PPIL4: variants seen among roughly 807,000 people sequenced by gnomAD.
The protein encoded by PPIL4 is peptidylprolyl isomerase like 4, also known as peptidyl-prolyl cis-trans isomerase-like 4.
PPIL4 carries 50 observed loss-of-function variants against 69.1 expected under a neutral mutation model. The observed-to-expected ratio is 0.72, with a 90% CI of 0.58 to 0.92. The LOEUF is 0.92. Ranked by LOEUF, PPIL4 falls within the 40% of genes least tolerant of loss-of-function variation. The probability of loss-of-function intolerance (pLI) is 0.00; values close to 1 mark genes in which losing one functional copy is unlikely to be tolerated. For synonymous variants in PPIL4, 193 were observed against 191.6 expected (o/e 1.01, Z -0.06); for missense variants, 480 against 587.9 (o/e 0.82, Z 1.90).
chr6:149,505,836 A>G, intron 12 of PPIL4, 132 bp from the exon 13 acceptor site: 1 of 687,292 alleles, frequency 1.5e-6, no homozygotes, highest in South Asian at 2.0e-5. Flanking sequence ...CACTACCACT[A>G]ATGTCAAGAA....
chr6:149,526,613 G>T, intron 8 of PPIL4, 39 bp downstream of exon 8: 2 of 1,564,090 alleles, frequency 1.3e-6, no homozygotes, highest in Non-Finnish European at 1.7e-6. Context: ...CTGATACCTA[G>T]TTTTTCTAAA....
intron 12 of PPIL4, among the ~76,000 whole-genome samples, chr6:149,510,232 T>C (rs890545973): frequency 6.6e-6 from 1 of 152,142 alleles, no homozygotes; most frequent in African/African-American, 2.4e-5. Context: ...TAACTACATA[T>C]ATCAAATATT....
At chr6:149,508,595 C>T (rs547164215) in intron 12 of PPIL4, among the ~76,000 whole-genome samples, 1 of 152,274 alleles carries the variant, frequency 6.6e-6, no homozygotes. Flanking sequence ...ACCAAGATAA[C>T]ATTAAATCAC....
chr6:149,518,256 A>G (rs189424633), intron 10 of PPIL4, among the ~76,000 whole-genome samples: 5 of 152,284 alleles, frequency 3.3e-5, no homozygotes, highest in Admixed American at 2.6e-4. Flanking sequence ...AGAGCATTCA[A>G]TGCAGCCTCT....
intron 5 of PPIL4, 23 bp downstream of exon 5, chr6:149,535,573 C>T (rs1424462094): frequency 5.0e-6 from 8 of 1,595,364 alleles, no homozygotes; most frequent in Non-Finnish European, 6.0e-6. Context: ...CTAGTACATT[C>T]AGATAGCAAA....
intron 7 of PPIL4, 50 bp from the exon 8 acceptor site, chr6:149,526,826 T>C (rs369849653): frequency 1.5e-5 from 23 of 1,550,242 alleles, no homozygotes; most frequent in Non-Finnish European, 1.9e-5. Context: ...TTAGTTTCCA[T>C]TCTAAATCCT....
chr6:149,521,163 A>G lies in PPIL4; in HGVS notation c.879T>C (p.Asp293=). Residue 293 remains aspartate, a synonymous_variant, in exon 10 of 13, where the codon GAT becomes GAC. Transcript: ENST00000253329. ...CCATTTTGAAGAATGCTTTCTCACA[A>G]TCTTCTTCCTGATAATAATTATAAA... The part of the protein sequence containing the change: ...YAFIEFEKEE[D]CEKAFFKMDN... The G allele has an allele frequency of 1.3e-6, 2 of 1,525,336 alleles. No homozygotes were observed. Among genetic ancestry groups the G allele is most frequent in the South Asian group, 1.2e-5 (1 of 85,874 alleles). 94.5% of individuals were successfully genotyped at this position (1,525,336 alleles called of 1,614,324 possible).
intron 4 of PPIL4, 28 bp downstream of exon 4, chr6:149,540,914 A>G (rs1035422413): frequency 1.3e-5 from 18 of 1,363,608 alleles, no homozygotes; most frequent in East Asian, 6.9e-5. Flanking sequence ...TTTCTAAGCA[A>G]ATCTCATATT....
In PPIL4 at chr6:149,505,526, T is replaced by G; in HGVS notation, c.1406A>C (p.Glu469Ala). The G allele has an allele frequency of 6.2e-7, 1 of 1,614,078 alleles. No homozygotes were observed. The highest frequency in any genetic ancestry group is 1.7e-5 in the Admixed American group (1 of 60,020). The change falls in exon 13 of 13, where the codon GAA becomes GCA. Residue 469 changes from glutamate (E) to alanine (A), a missense_variant. Transcript: ENST00000253329. ...SKYQTDLYERERSKKRDRSRS... is the reference protein window; with the variant it reads ...SKYQTDLYERARSKKRDRSRS... ...GCTTCGGTCTCTCTTTTTACTCCTT[T>G]CTCTTTCATAAAGATCTGTTTGGTA...
rs1562259081 is a variant in PPIL4 at position 149,523,304 on chromosome 6, AGT to A, written c.870+1837_870+1838del. ...CCTGTCCCTTAAAAAACAAAAAAAA[AGT>A]AAAAGGAAATCCACAGAGAAGATAT... On this transcript the variant is annotated intron_variant, in intron 9 of 12. Transcript: ENST00000253329. 1.8e-4 allele frequency among the ~76,000 whole-genome samples: 27 copies of A among 152,232 alleles called. No homozygotes were observed. In the East Asian group the frequency reaches 5.2e-3, roughly 29 times the overall value.
intron 6 of PPIL4, among the ~76,000 whole-genome samples, chr6:149,533,954 G>A (rs1474646688): frequency 4.6e-5 from 7 of 151,972 alleles, no homozygotes; most frequent in Admixed American, 3.9e-4. Flanking sequence ...TCAGGAGTTC[G>A]AGACCAGCCT....
At chr6:149,511,544 G>C (rs1189548117) in intron 12 of PPIL4, among the ~76,000 whole-genome samples, 3 of 152,056 alleles carry the variant, frequency 2.0e-5, no homozygotes, top group African/African-American at 7.2e-5. Context: ...CAAAGTGCTA[G>C]GATTACAGGC....
At chr6:149,526,589 T>C (rs1269715485) in intron 8 of PPIL4, 63 bp downstream of exon 8, 1 of 1,473,848 alleles carries the variant, frequency 6.8e-7, no homozygotes, top group Non-Finnish European at 9.3e-7. Flanking sequence ...AATATGTCAT[T>C]AGAAAACCAC....
chr6:149,543,703 G>GT (rs984151623), intron 1 of PPIL4, among the ~76,000 whole-genome samples: 9 of 147,596 alleles, frequency 6.1e-5, no homozygotes, highest in African/African-American at 1.5e-4. Flanking sequence ...ATTTTTTCTT[G>GT]TTTTTTTTAA....
Position 149,505,316 on chromosome 6 carries a change from G to A in PPIL4, c.*137C>T. 1.4e-6 allele frequency: 1 copy of A among 738,104 alleles called. No homozygotes were observed. The highest frequency in any genetic ancestry group is 2.2e-6 in the Non-Finnish European group (1 of 447,580). 45.7% of individuals were successfully genotyped at this position (738,104 alleles called of 1,614,324 possible). ...TATCTTTCCGTGCTCTATATAATCA[G>A]TATTAATCTAAAGACCATAATCCTA... is the stretch of plus-strand genomic sequence containing the variant. On this transcript the variant is annotated 3_prime_UTR_variant, in exon 13 of 13. Transcript: ENST00000253329.
intron 4 of PPIL4, among the ~76,000 whole-genome samples, chr6:149,536,385 C>T (rs1312766395): frequency 1.3e-5 from 2 of 152,156 alleles, no homozygotes; most frequent in African/African-American, 2.4e-5. Context: ...GAGAAAGGCA[C>T]GTTGAAAGCC....
chr6:149,523,225 G>A (rs989062687), intron 9 of PPIL4, among the ~76,000 whole-genome samples: 13 of 152,070 alleles, frequency 8.5e-5, no homozygotes, highest in African/African-American at 2.9e-4. Context: ...AGCTAAAATT[G>A]GAGAATCACT....
At chr6:149,543,687 A>G (rs1484171619) in intron 1 of PPIL4, among the ~76,000 whole-genome samples, 1 of 151,404 alleles carries the variant, frequency 6.6e-6, no homozygotes, top group Non-Finnish European at 1.5e-5. Context: ...TTAAGCTCAT[A>G]GTTCCATTTT....
At chr6:149,541,148 T>G in intron 3 of PPIL4, 89 bp from the exon 4 acceptor site, 1 of 688,928 alleles carries the variant, frequency 1.5e-6, no homozygotes, top group Non-Finnish European at 2.3e-6. Context: ...AATTATTTCT[T>G]TACAGAAATG....
Sources: gnomAD v4.1 joint callset for allele counts (sites outside exome capture counted in the v4.1 genomes callset) on GRCh38, gnomAD v4.1.1 for gene constraint, MANE v1.5 for transcripts, NCBI Gene and HGNC (gene_info 2026-07-23, HGNC 2026-07-21) for gene names.